The following AGAP1 variants were observed in gnomAD, a reference collection of about 807,000 sequenced individuals.
AGAP1 encodes the protein arf-GAP with GTPase, ANK repeat and PH domain-containing protein 1.
Under a neutral mutation model 105.3 loss-of-function variants are expected in AGAP1, and 29 were observed. That is an observed-to-expected ratio of 0.28 (90% CI 0.21 to 0.38). The LOEUF is 0.38. Ranked by LOEUF, AGAP1 falls within the 10% of genes least tolerant of loss-of-function variation. The pLI, the probability that AGAP1 is intolerant of heterozygous loss-of-function variation, is 1.00. For missense variants in AGAP1, 998 were observed against 1,165.1 expected, an observed-to-expected ratio of 0.86 and a Z score of 2.09; for synonymous variants, 509 against 485.9, an observed-to-expected ratio of 1.05 and a Z score of -0.63.
chr2:235,814,066 G>A (rs992134830), intron 9 of AGAP1, among the ~76,000 whole-genome samples: 1 of 152,340 alleles, frequency 6.6e-6, no homozygotes, highest in South Asian at 2.1e-4. Flanking sequence ...CCGCCTGTGT[G>A]TGTGCCCACT....
At position 235,793,070 on chromosome 2, in the gene AGAP1, G is replaced by A. The variant is rs1264791713; in HGVS notation, c.674-4689G>A. ...ACGTCAGGGTTCATGGAAGCCCGAG[G>A]AGGATGCAGAAGAGGAAAGGAGGGA... On this transcript the variant is annotated intron_variant, in intron 6 of 17. Transcript: ENST00000304032. The surrounding 1 kb of genome is among the most constrained non-coding windows in gnomAD (Gnocchi z 5.3). Among the ~76,000 whole-genome samples the A allele has an allele frequency of 6.6e-6, 1 of 152,182 alleles. No individual in the cohort carries two copies. The highest frequency in any genetic ancestry group is 6.5e-5 in the Admixed American group (1 of 15,278).
chr2:235,959,112 T>A lies in AGAP1; in HGVS notation c.1484-9350T>A, dbSNP rs889375208. Among the ~76,000 whole-genome samples the A allele has an allele frequency of 3.3e-5, 5 of 152,170 alleles. No individual in the cohort carries two copies. The highest frequency in any genetic ancestry group is 4.8e-5 in the African/African-American group (2 of 41,462). On this transcript the variant is annotated intron_variant, in intron 12 of 17. Coordinates refer to ENST00000304032, the MANE Select transcript of AGAP1 (RefSeq NM_001037131.3). This position sits in a 1 kb window ranked among gnomAD's most constrained non-coding sequence, Gnocchi z 7.3. ...TGGAGTAATGAGGCGCTCGCTTTTT[T>A]AATTTGGCATGGCTTTTTTCTCTTA...
chr2:235,570,342 A>G (rs913969460), intron 1 of AGAP1, among the ~76,000 whole-genome samples: 1 of 152,240 alleles, frequency 6.6e-6, no homozygotes, highest in African/African-American at 2.4e-5. Flanking sequence ...GTTCCTTTCA[A>G]GAAAACAACA....
intron 6 of AGAP1, among the ~76,000 whole-genome samples, chr2:235,775,072 TG>T (rs1955759790): frequency 6.6e-6 from 1 of 152,126 alleles, no homozygotes; most frequent in African/African-American, 2.4e-5. Flanking sequence ...GCAAAAGGAC[TG>T]GGTGAACAGA....
At chr2:235,546,946 A>T (rs959576365) in intron 1 of AGAP1, among the ~76,000 whole-genome samples, 1 of 152,230 alleles carries the variant, frequency 6.6e-6, no homozygotes, top group Non-Finnish European at 1.5e-5. Flanking sequence ...CACTGGCCGT[A>T]TTCAGCTCTC....
Position 235,847,744 on chromosome 2 carries a change from C to T in AGAP1, c.1051-35601C>T, listed in dbSNP as rs567466070. Among the ~76,000 whole-genome samples, 4 of 152,326 alleles carry T rather than the reference C, an allele frequency of 2.6e-5. No individual in the cohort carries two copies. The South Asian group carries it at 6.2e-4, about 24-fold the overall frequency. Reference sequence around the variant, plus strand: ...TTGCCACGACAGTGGCTCTCGTACACGACGCCTAACGTGTATCTCATGTGA... The same window carrying T: ...TTGCCACGACAGTGGCTCTCGTACATGACGCCTAACGTGTATCTCATGTGA... On this transcript the variant is annotated intron_variant, in intron 9 of 17. Transcript: ENST00000304032.
chr2:235,595,399 T>A (rs555175593), intron 1 of AGAP1, among the ~76,000 whole-genome samples: 1 of 152,310 alleles, frequency 6.6e-6, no homozygotes, highest in East Asian at 1.9e-4. Context: ...AGGAAGGAAG[T>A]GTAGCTGAAG....
At chr2:236,048,233 G>A (rs545683921) in intron 15 of AGAP1, among the ~76,000 whole-genome samples, 90 of 152,296 alleles carry the variant, frequency 5.9e-4, no homozygotes, top group African/African-American at 2.0e-3. Context: ...AAGTCAACCC[G>A]GGCCTGAGTT....
At chr2:235,645,304 G>A (rs766073368) in intron 1 of AGAP1, among the ~76,000 whole-genome samples, 1 of 152,156 alleles carries the variant, frequency 6.6e-6, no homozygotes, top group South Asian at 2.1e-4. Context: ...GAAGAGGTGG[G>A]CTCACATACC....
At position 235,788,649 on chromosome 2, in the gene AGAP1, G is replaced by A. The variant is rs1013023928; in HGVS notation, c.674-9110G>A. On this transcript the variant is annotated intron_variant, in intron 6 of 17. Coordinates refer to ENST00000304032, the MANE Select transcript of AGAP1 (RefSeq NM_001037131.3). The surrounding 1 kb of genome is among the most constrained non-coding windows in gnomAD (Gnocchi z 6.0). ...CGGTGCTTGGAACTGACTGGTGGGC[G>A]TCCTGTTGGTGCATGGGGCAGACTG... is the stretch of plus-strand genomic sequence containing the variant. Among the ~76,000 whole-genome samples, 16 of 152,126 alleles carry A rather than the reference G, an allele frequency of 1.1e-4. No homozygotes were observed. Among genetic ancestry groups the A allele is most frequent in the African/African-American group, 3.6e-4 (15 of 41,428 alleles).
intron 9 of AGAP1, among the ~76,000 whole-genome samples, chr2:235,856,453 C>G (rs888182111): frequency 6.6e-6 from 1 of 152,226 alleles, no homozygotes; most frequent in Non-Finnish European, 1.5e-5. Flanking sequence ...GGGCTGCCAT[C>G]AGGATCTGTA....
chr2:236,012,767 T>TATTATG lies in AGAP1; in HGVS notation c.1646-23789_1646-23788insGATTAT, dbSNP rs1553544541. Among the ~76,000 whole-genome samples the TATTATG allele has an allele frequency of 1.4e-5, 2 of 144,388 alleles. No homozygotes were observed. Among genetic ancestry groups the TATTATG allele is most frequent in the African/African-American group, 5.7e-5 (2 of 34,978 alleles). The allele number at this position is 144,388 out of a possible 152,430, so 94.7% of individuals were successfully genotyped here. A position where few individuals can be genotyped will look rare whatever the true frequency, so the allele number is the denominator to read the frequency against. On this transcript the variant is annotated intron_variant, in intron 13 of 17. Coordinates refer to ENST00000304032, the MANE Select transcript of AGAP1 (RefSeq NM_001037131.3). The surrounding 1 kb of genome is among the most constrained non-coding windows in gnomAD (Gnocchi z 4.9). ...GTTTAGAGGTTGTTTCTTACTAAAT[T>TATTATG]ATTATTATTATTATTATTATTATTC...
At chr2:236,007,031 T>G (rs567935996) in intron 13 of AGAP1, among the ~76,000 whole-genome samples, 13 of 152,154 alleles carry the variant, frequency 8.5e-5, no homozygotes, top group Non-Finnish European at 1.5e-4. Flanking sequence ...CTAAAAAAGT[T>G]GTGAAGTTAA....
chr2:235,715,237 A>G (rs895167943), intron 2 of AGAP1, among the ~76,000 whole-genome samples: 8 of 151,908 alleles, frequency 5.3e-5, no homozygotes, highest in Non-Finnish European at 1.2e-4. Context: ...CTATCCATCG[A>G]CCCATCTTGT....
At position 235,958,189 on chromosome 2, in the gene AGAP1, C is replaced by G. The variant is rs1328359580; in HGVS notation, c.1484-10273C>G. ...TGCAGCTCTCCCAGAGTGAGTGTTG[C>G]CTGCTCCTAGCAAATTCGTGGCGTG... On this transcript the variant is annotated intron_variant, in intron 12 of 17. Coordinates refer to ENST00000304032, the MANE Select transcript of AGAP1 (RefSeq NM_001037131.3). The surrounding 1 kb of genome is among the most constrained non-coding windows in gnomAD (Gnocchi z 4.1). Among the ~76,000 whole-genome samples the G allele has an allele frequency of 6.6e-6, 1 of 152,176 alleles. No individual in the cohort carries two copies. The highest frequency in any genetic ancestry group is 6.5e-5 in the Admixed American group (1 of 15,286).
Position 236,095,108 on chromosome 2 carries a change from G to C in AGAP1, c.2115-25084G>C, listed in dbSNP as rs140903606. On this transcript the variant is annotated intron_variant, in intron 16 of 17. Coordinates refer to ENST00000304032, the MANE Select transcript of AGAP1 (RefSeq NM_001037131.3). The surrounding 1 kb of genome is among the most constrained non-coding windows in gnomAD (Gnocchi z 4.1). Reference sequence around the variant, plus strand: ...TGAGACACTGTCTCAAAAAAGTTGTGGGGGCAGGGCAGGCGTGGTGGTTGA... The same window carrying C: ...TGAGACACTGTCTCAAAAAAGTTGTCGGGGCAGGGCAGGCGTGGTGGTTGA... Among the ~76,000 whole-genome samples, 1 of 151,126 alleles carries C rather than the reference G, an allele frequency of 6.6e-6. No homozygotes were observed. Among genetic ancestry groups the C allele is most frequent in the African/African-American group, 2.4e-5 (1 of 41,100 alleles).
intron 11 of AGAP1, among the ~76,000 whole-genome samples, chr2:235,913,757 G>A (rs959243153): frequency 1.1e-4 from 16 of 152,044 alleles, no homozygotes; most frequent in African/African-American, 3.9e-4. Context: ...TCCCCTCATT[G>A]GTGCACATGA....
chr2:235,616,813 A>G (rs1156923807), intron 1 of AGAP1, among the ~76,000 whole-genome samples: 1 of 152,232 alleles, frequency 6.6e-6, no homozygotes, highest in African/African-American at 2.4e-5. Context: ...GATTTTAAAA[A>G]TCATTTTGTA....
rs554792007 is a variant in AGAP1 at position 235,976,884 on chromosome 2, C to A, written c.1645+8261C>A. ...TCTGAAAAGTCAAAACAAACTAAAT[C>A]TTGTAAAGAGGTGGCTTGGAGCTCC... On this transcript the variant is annotated intron_variant, in intron 13 of 17. Coordinates refer to ENST00000304032, the MANE Select transcript of AGAP1 (RefSeq NM_001037131.3). This position sits in a 1 kb window ranked among gnomAD's most constrained non-coding sequence, Gnocchi z 4.5. Among the ~76,000 whole-genome samples the A allele has an allele frequency of 9.2e-5, 14 of 152,294 alleles. No homozygotes were observed. In the East Asian group the frequency reaches 2.7e-3, roughly 29 times the overall value.
Sources: allele counts gnomAD v4.1 joint callset (sites outside exome capture counted in the v4.1 genomes callset), GRCh38; gene constraint gnomAD v4.1.1; non-coding constraint Gnocchi (gnomAD v3.1); transcripts MANE v1.5; gene names NCBI Gene and HGNC (gene_info 2026-07-23, HGNC 2026-07-21).